Variants in PPIE observed in about 807,000 individuals in gnomAD.
The protein encoded by PPIE is peptidyl-prolyl cis-trans isomerase E.
A neutral mutation model predicts 38.4 loss-of-function variants in PPIE; 20 were observed. That is an observed-to-expected ratio of 0.52 (90% confidence interval 0.37 to 0.76). The LOEUF is 0.76. PPIE is among the 30% of genes least tolerant of loss of function. The pLI is 0.00. For missense variants in PPIE, 322 were observed against 385.8 expected (o/e 0.83, Z 1.39); for synonymous variants, 142 against 135.7 (o/e 1.05, Z -0.32).
At chr1:39,763,279 C>T in intron 9 of PPIE, 1 of 1,382,912 alleles carries the variant, frequency 7.2e-7, no homozygotes, top group Non-Finnish European at 1.0e-6. Context: ...ATCCTCCAGC[C>T]CTGCAGGGCC....
intron 9 of PPIE, chr1:39,763,060 AG>A (rs1376153294): frequency 3.7e-6 from 6 of 1,604,342 alleles, no homozygotes; most frequent in Non-Finnish European, 5.1e-6. Flanking sequence ...CCCCCACCCC[AG>A]GGGGCTGGGC....
chr1:39,746,918 T>A (rs946873111), intron 7 of PPIE: 2 of 152,250 alleles, frequency 1.3e-5, no homozygotes, highest in Admixed American at 6.5e-5. Flanking sequence ...TGAATCATCC[T>A]AAACAAAACC....
chr1:39,740,349 A>C, intron 2 of PPIE, 86 bp downstream of exon 2: 1 of 1,047,468 alleles, frequency 9.5e-7, no homozygotes, highest in Middle Eastern at 2.1e-4. Flanking sequence ...CTAAATATGC[A>C]TTCTAAATAT....
chr1:39,747,433 T>C (rs1290633961), intron 7 of PPIE: 1 of 151,734 alleles, frequency 6.6e-6, no homozygotes, highest in Non-Finnish European at 1.5e-5. Flanking sequence ...TGTATGAGTG[T>C]TTCAGTTTTT....
chr1:39,760,690 G>A, downstream of PPIE: 2 of 1,274,308 alleles, frequency 1.6e-6, no homozygotes, highest in Non-Finnish European at 2.1e-6. Flanking sequence ...CATGGGAGCA[G>A]CACAATAATA....
At position 39,741,361 on chromosome 1, in the gene PPIE, T is replaced by A. The variant is rs1647053400; in HGVS notation, c.131-5T>A. On this transcript the variant is annotated splice_region_variant and splice_polypyrimidine_tract_variant and intron_variant, in intron 2 of 9. Transcript: ENST00000324379. ...ATTACTTGTTTTTGTTTTTCCATTT[T>A]GTAGAAAAGCACCGAGGATTTGCTT... 6.2e-7 allele frequency: 1 copy of A among 1,614,034 alleles called. No homozygotes were observed. Among genetic ancestry groups the A allele is most frequent in the Non-Finnish European group, 8.5e-7 (1 of 1,179,886 alleles).
chr1:39,754,889 C>T lies in PPIE; in HGVS notation c.*1534C>T, dbSNP rs1648105512. 1 of 418,748 alleles carries T rather than the reference C, an allele frequency of 2.4e-6. No individual in the cohort carries two copies. The highest frequency in any genetic ancestry group is 3.2e-6 in the Non-Finnish European group (1 of 312,154). 25.9% of individuals were successfully genotyped at this position (418,748 alleles called of 1,614,324 possible). A position where few individuals can be genotyped will look rare whatever the true frequency, so the allele number is the denominator to read the frequency against. On this transcript the variant is annotated 3_prime_UTR_variant, in exon 10 of 10. Coordinates refer to ENST00000324379, the MANE Select transcript of PPIE (RefSeq NM_006112.4). Reference sequence around the variant, plus strand: ...AAAGAAACCATCATCACAGCAACATCTAGACTAGTGTTTGACTAAAAACTG... The same window carrying T: ...AAAGAAACCATCATCACAGCAACATTTAGACTAGTGTTTGACTAAAAACTG...
At chr1:39,749,625 T>G (rs1647498013) in intron 8 of PPIE, among the ~76,000 whole-genome samples, 1 of 152,144 alleles carries the variant, frequency 6.6e-6, no homozygotes, top group Admixed American at 6.5e-5. Flanking sequence ...CTTCACCTCC[T>G]GCATCTCTCC....
chr1:39,760,138 C>T (rs1648735834), downstream of PPIE: 4 of 495,588 alleles, frequency 8.1e-6, no homozygotes, highest in South Asian at 9.7e-5. Context: ...CCCCAAAGAA[C>T]CAGCCAGGAC....
rs1648216694 is a variant in PPIE at position 39,755,910 on chromosome 1, G to C, written c.*2555G>C. Reference sequence around the variant, plus strand: ...AGAGCTGGGATTAGAAGCCCAGCCTGTCTCTCTTCAGTAGTAATGGAGTCC... The same window carrying C: ...AGAGCTGGGATTAGAAGCCCAGCCTCTCTCTCTTCAGTAGTAATGGAGTCC... On this transcript the variant is annotated 3_prime_UTR_variant, in exon 10 of 10. Transcript: ENST00000324379. The C allele has an allele frequency of 1.0e-6, 1 of 985,444 alleles. No homozygotes were observed. The highest frequency in any genetic ancestry group is 1.7e-5 in the African/African-American group (1 of 57,360). 61.0% of individuals were successfully genotyped at this position (985,444 alleles called of 1,614,324 possible).
At chr1:39,760,247 G>A (rs1432859143), downstream of PPIE, 3 of 1,120,570 alleles carry the variant, frequency 2.7e-6, no homozygotes, top group East Asian at 5.2e-5. Context: ...GCCTGGCAGG[G>A]CAAGGGGAGC....
At chr1:39,740,917 T>C (rs753453503) in intron 2 of PPIE, among the ~76,000 whole-genome samples, 26 of 152,258 alleles carry the variant, frequency 1.7e-4, no homozygotes, top group Non-Finnish European at 2.1e-4. Flanking sequence ...ATAAACATTA[T>C]TGTGCTTGGT....
chr1:39,749,016 G>C lies in PPIE; in HGVS notation c.622G>C (p.Gly208Arg), dbSNP rs1238279664. The C allele has an allele frequency of 3.1e-6, 5 of 1,612,342 alleles. No individual in the cohort carries two copies. The highest frequency in any genetic ancestry group is 4.2e-6 in the Non-Finnish European group (5 of 1,179,564). The change falls in exon 8 of 10, where the codon GGC (glycine) becomes CGC (arginine). Residue 208 changes from glycine to arginine, a missense_variant. By Grantham distance (125) the Gly-to-Arg change is moderately radical. Transcript: ENST00000324379. ...GGGCGGTGATTTCACAAACCACAATGGCACTGGGGGCAAGTCCATCTATGG... is the reference window on the plus strand; with the variant it reads ...GGGCGGTGATTTCACAAACCACAATCGCACTGGGGGCAAGTCCATCTATGG... ...CQGGDFTNHN[G>R]TGGKSIYGKK...
Position 39,755,140 on chromosome 1 carries a change from A to G in PPIE, c.*1785A>G. The G allele has an allele frequency of 1.0e-6, 1 of 985,448 alleles. No individual in the cohort carries two copies. Among genetic ancestry groups the G allele is most frequent in the Non-Finnish European group, 1.2e-6 (1 of 829,930 alleles). The allele number at this position is 985,448 out of a possible 1,614,324, so 61.0% of individuals were successfully genotyped here. A position where few individuals can be genotyped will look rare whatever the true frequency, so the allele number is the denominator to read the frequency against. ...AGATGCTGGTCAGCCAGGCGGTTAT[A>G]AAGAATCTCATCTGCTGAAGGCTTT... On this transcript the variant is annotated 3_prime_UTR_variant, in exon 10 of 10. Transcript: ENST00000324379.
chr1:39,741,263 TG>T, intron 2 of PPIE, 102 bp from the exon 3 acceptor site: 1 of 923,358 alleles, frequency 1.1e-6, no homozygotes, highest in Non-Finnish European at 1.8e-6. Context: ...ATAGAACTTC[TG>T]GTGTTTGGAT....
At chr1:39,744,796 G>C (rs12086750) in intron 6 of PPIE, among the ~76,000 whole-genome samples, 47,524 of 152,084 alleles carry the variant, frequency 0.31, 7,799 homozygotes, top group South Asian at 0.41. Context: ...CACAGTCAGT[G>C]GAGTCCCCCT....
At chr1:39,739,018 G>A (rs1486240565) in intron 1 of PPIE, 87 bp downstream of exon 1, 2 of 1,323,810 alleles carry the variant, frequency 1.5e-6, no homozygotes, top group Non-Finnish European at 2.0e-6. Flanking sequence ...TCTGAACCAG[G>A]AGGACGGCGA....
intron 8 of PPIE, among the ~76,000 whole-genome samples, chr1:39,752,502 T>G (rs988887613): frequency 1.3e-5 from 2 of 152,146 alleles, no homozygotes; most frequent in Non-Finnish European, 2.9e-5. Context: ...CACATATACA[T>G]GTACATTCTC....
At chr1:39,743,169 CTT>C in intron 4 of PPIE, 45 bp from the exon 5 acceptor site, 1 of 1,554,782 alleles carries the variant, frequency 6.4e-7, no homozygotes, top group Non-Finnish European at 8.9e-7. Context: ...GGCTGGCCCT[CTT>C]TTAACCTAAG....
Sources: gnomAD v4.1 joint callset for allele counts (sites outside exome capture counted in the v4.1 genomes callset) on GRCh38, gnomAD v4.1.1 for gene constraint, MANE v1.5 for transcripts, NCBI Gene and HGNC (gene_info 2026-07-23, HGNC 2026-07-21) for gene names.